Variants in CD33 observed in about 807,000 individuals in gnomAD.
CD33 encodes the protein myeloid cell surface antigen CD33.
CD33 carries 25 observed loss-of-function variants against 31.4 expected under a neutral mutation model. The ratio of observed to expected loss-of-function variants is 0.80; its 90% CI spans 0.58 to 1.11. CD33 has a LOEUF of 1.11. Ranked by LOEUF, CD33 falls within the 50% of genes most tolerant of loss-of-function variation. CD33 has a pLI of 0.00. For synonymous variants in CD33, 176 were observed against 180.6 expected, an observed-to-expected ratio of 0.97 and a Z score of 0.20; for missense variants, 407 against 448.1, an observed-to-expected ratio of 0.91 and a Z score of 0.83.
the CD33 span, chr19:51,211,431 G>C: frequency 6.4e-7 from 1 of 1,570,422 alleles, no homozygotes; most frequent in Non-Finnish European, 8.6e-7. Context: ...AGGAGACTCA[G>C]GGCTGATTCC....
chr19:51,235,642 A>G lies in CD33; in HGVS notation c.890A>G (p.Asn297Ser), dbSNP rs1309705154. 1 of 1,613,968 alleles carries G rather than the reference A, an allele frequency of 6.2e-7. No individual in the cohort carries two copies. Among genetic ancestry groups the G allele is most frequent in the Non-Finnish European group, 8.5e-7 (1 of 1,179,964 alleles). The change falls in exon 6 of 7, where the codon AAT becomes AGT. Residue 297 changes from asparagine (N) to serine (S), a missense_variant. Transcript: ENST00000262262. ...GCAGCCAGGACAGCAGTGGGCAGGA[A>G]TGACACCCACCCTACCACAGGGTCA... is the stretch of plus-strand genomic sequence containing the variant. ...RKAARTAVGR[N>S]DTHPTTGSAS...
chr19:51,219,463 C>T, the CD33 span, among the ~76,000 whole-genome samples: 8 of 152,134 alleles, frequency 5.3e-5, no homozygotes, highest in African/African-American at 1.9e-4. Flanking sequence ...CTATCATCAG[C>T]AAACAGAGAT....
chr19:51,219,683 T>C, the CD33 span, among the ~76,000 whole-genome samples: 5 of 152,334 alleles, frequency 3.3e-5, no homozygotes, highest in East Asian at 9.6e-4. Flanking sequence ...GCTCTTATTA[T>C]TTTGAGATAT....
chr19:51,223,662 T>C (rs139126986), upstream of CD33, among the ~76,000 whole-genome samples: 1,254 of 152,322 alleles, frequency 8.2e-3, 9 homozygotes, highest in Non-Finnish European at 0.011. Context: ...CTGAACCAAA[T>C]GGCAGCATGA....
At chr19:51,212,578 A>C in the CD33 span, among the ~76,000 whole-genome samples, 1 of 146,632 alleles carries the variant, frequency 6.8e-6, no homozygotes, top group East Asian at 2.0e-4. Context: ...ACCCCACAAC[A>C]AGGGCAGGGT....
At chr19:51,221,244 G>GCAAGCC (rs1980674748), upstream of CD33, among the ~76,000 whole-genome samples, 2 of 152,012 alleles carry the variant, frequency 1.3e-5, no homozygotes, top group Admixed American at 1.3e-4. Flanking sequence ...CTCAGTCTCA[G>GCAAGCC]ATATTCCTCT....
upstream of CD33, among the ~76,000 whole-genome samples, chr19:51,223,936 G>GA (rs1415033037): frequency 8.5e-5 from 13 of 152,138 alleles, no homozygotes; most frequent in African/African-American, 3.1e-4. Context: ...GGCTATGGAT[G>GA]GGGAGTATCT....
At chr19:51,236,648 C>T (rs1430063784) in intron 6 of CD33, 1 of 152,260 alleles carries the variant, frequency 6.6e-6, no homozygotes, top group African/African-American at 2.4e-5. Context: ...CACCCCTAAA[C>T]ATACTTCTCC....
At chr19:51,222,190 C>G (rs1568429801), upstream of CD33, among the ~76,000 whole-genome samples, 1 of 152,166 alleles carries the variant, frequency 6.6e-6, no homozygotes, top group Non-Finnish European at 1.5e-5. Flanking sequence ...ATTTAAAACA[C>G]TGGATGCCAC....
chr19:51,225,017 C>T (rs560115561), upstream of CD33: 240 of 1,446,626 alleles, frequency 1.7e-4, no homozygotes, highest in Non-Finnish European at 2.2e-4. Context: ...GCTGAGGTCT[C>T]CTGCTCCTCC....
chr19:51,228,000 T>C (rs909139504), intron 4 of CD33, among the ~76,000 whole-genome samples: 1 of 152,230 alleles, frequency 6.6e-6, no homozygotes, highest in Non-Finnish European at 1.5e-5. Context: ...GTGTTCTTCA[T>C]GCATTTGTCA....
At chr19:51,237,256 A>G (rs1007823592) in intron 6 of CD33, 4 of 152,166 alleles carry the variant, frequency 2.6e-5, no homozygotes, top group African/African-American at 9.7e-5. Flanking sequence ...TGAAATATCT[A>G]TATAATCCCA....
chr19:51,214,396 C>G, the CD33 span, among the ~76,000 whole-genome samples: 3 of 151,532 alleles, frequency 2.0e-5, no homozygotes, highest in African/African-American at 7.3e-5. Context: ...CAGGGTTTCA[C>G]CATGTTGGTC....
At chr19:51,239,161 G>A (rs1345182522) in intron 6 of CD33, 9 of 162,830 alleles carry the variant, frequency 5.5e-5, no homozygotes, top group Non-Finnish European at 9.3e-5. Flanking sequence ...ACCTGGGACC[G>A]AGTTCAGGGT....
the CD33 span, among the ~76,000 whole-genome samples, chr19:51,215,809 C>T: frequency 6.6e-6 from 1 of 152,156 alleles, no homozygotes; most frequent in African/African-American, 2.4e-5. Context: ...ATTTGGTGCC[C>T]TTTTCTCCGT....
At chr19:51,230,856 T>C (rs1158650659) in intron 4 of CD33, among the ~76,000 whole-genome samples, 2 of 152,214 alleles carry the variant, frequency 1.3e-5, no homozygotes, top group East Asian at 3.8e-4. Context: ...GAACATGTCC[T>C]GGGTCCAGGG....
chr19:51,218,788 C>A, the CD33 span, among the ~76,000 whole-genome samples: 2 of 152,250 alleles, frequency 1.3e-5, no homozygotes, highest in South Asian at 4.1e-4. Context: ...GGTGTCCTGT[C>A]CCCAGTGTAT....
upstream of CD33, among the ~76,000 whole-genome samples, chr19:51,223,280 A>G (rs888442931): frequency 8.5e-5 from 13 of 152,198 alleles, no homozygotes; most frequent in African/African-American, 2.9e-4. Context: ...AAATATTTAA[A>G]TAACTTACAA....
At chr19:51,213,271 C>G in the CD33 span, among the ~76,000 whole-genome samples, 22 of 152,218 alleles carry the variant, frequency 1.4e-4, no homozygotes, top group African/African-American at 5.1e-4. Flanking sequence ...ATTAAATTCA[C>G]CATTTTAATC....
Sources: gnomAD v4.1 joint callset for allele counts (sites outside exome capture counted in the v4.1 genomes callset) on GRCh38, gnomAD v4.1.1 for gene constraint, MANE v1.5 for transcripts, NCBI Gene and HGNC (gene_info 2026-07-23, HGNC 2026-07-21) for gene names.